Variants in ALK observed in about 807,000 individuals in gnomAD.
ALK encodes the protein ALK tyrosine kinase receptor.
In ALK, 74 loss-of-function variants were observed where a neutral mutation model predicts 163.1. That is an observed-to-expected ratio of 0.45 (90% CI 0.38 to 0.55). The LOEUF is 0.55. Among genes scored for constraint, ALK ranks in the 20% least tolerant of loss-of-function variants. ALK has a pLI of 0.00. For missense variants in ALK, 2,063 were observed against 2,105.3 expected (o/e 0.98, Z 0.39); for synonymous variants, 960 against 843.2 (o/e 1.14, Z -2.40).
At chr2:29,370,491 G>A (rs1012805683) in intron 5 of ALK, among the ~76,000 whole-genome samples, 2 of 152,196 alleles carry the variant, frequency 1.3e-5, no homozygotes, top group African/African-American at 4.8e-5. Context: ...GATAATCAGG[G>A]CCCTTGTCCA....
intron 4 of ALK, among the ~76,000 whole-genome samples, chr2:29,465,621 G>C (rs112209025): frequency 0.03 from 4,596 of 152,150 alleles, 94 homozygotes; most frequent in South Asian, 0.097. Context: ...TTGAACCTGG[G>C]AGGTGGAGGT....
At chr2:29,652,580 T>G (rs558615584) in intron 3 of ALK, among the ~76,000 whole-genome samples, 1 of 152,266 alleles carries the variant, frequency 6.6e-6, no homozygotes, top group South Asian at 2.1e-4. Flanking sequence ...AGGATGGGAT[T>G]TGGTCACTGG....
chr2:29,615,767 T>C (rs1180679584), intron 3 of ALK, among the ~76,000 whole-genome samples: 1 of 152,238 alleles, frequency 6.6e-6, no homozygotes, highest in Admixed American at 6.5e-5. Flanking sequence ...GTAGGTCTAA[T>C]GAAGGATTCT....
At chr2:29,847,256 G>A (rs1361988644) in intron 1 of ALK, among the ~76,000 whole-genome samples, 2 of 152,138 alleles carry the variant, frequency 1.3e-5, no homozygotes, top group Non-Finnish European at 2.9e-5. Context: ...GTTGGCAAAA[G>A]TACTATCAGG....
At chr2:29,322,827 T>C (rs1470257245) in intron 6 of ALK, among the ~76,000 whole-genome samples, 1 of 151,968 alleles carries the variant, frequency 6.6e-6, no homozygotes, top group African/African-American at 2.4e-5. Context: ...AGAGCAAAAC[T>C]CCATCTCAAA....
At chr2:29,863,114 T>C (rs1046007868) in intron 1 of ALK, among the ~76,000 whole-genome samples, 3 of 152,062 alleles carry the variant, frequency 2.0e-5, no homozygotes, top group Non-Finnish European at 4.4e-5. Flanking sequence ...AAAATCAACT[T>C]GAAATGGATT....
chr2:29,698,716 C>A (rs1441953871), intron 2 of ALK, among the ~76,000 whole-genome samples: 2 of 152,210 alleles, frequency 1.3e-5, no homozygotes, highest in Non-Finnish European at 2.9e-5. Flanking sequence ...TGATAATTGG[C>A]TGTGTTTGGG....
chr2:29,826,508 A>T (rs1178800423), intron 1 of ALK, among the ~76,000 whole-genome samples: 1 of 151,676 alleles, frequency 6.6e-6, no homozygotes, highest in East Asian at 1.9e-4. Context: ...CTGTCTCTTT[A>T]TGTGTCAGGG....
chr2:29,379,592 A>G (rs1558298619), intron 5 of ALK, among the ~76,000 whole-genome samples: 1 of 152,272 alleles, frequency 6.6e-6, no homozygotes, highest in South Asian at 2.1e-4. Flanking sequence ...TGCAAATGAC[A>G]TTTCCTGGCC....
At chr2:29,438,585 G>A (rs936005761) in intron 4 of ALK, among the ~76,000 whole-genome samples, 7 of 152,160 alleles carry the variant, frequency 4.6e-5, no homozygotes, top group African/African-American at 1.7e-4. Context: ...TCAAAGAAAT[G>A]TTCAAATAGA....
rs79505498 is a variant in ALK, at chr2:29,783,906, G to A, written c.668-66209C>T. On this transcript the variant is annotated intron_variant, in intron 1 of 28. Coordinates refer to ENST00000389048, the MANE Select transcript of ALK (RefSeq NM_004304.5). ...TCCAGGATTCCACCAAGTGGCAGTC[G>A]TGTGTAAGATGTTAATTTCCCTGGG... Among the ~76,000 whole-genome samples, 900 of 152,250 alleles carry A rather than the reference G, an allele frequency of 5.9e-3. 13 individuals are homozygous for A. Among genetic ancestry groups the A allele is most frequent in the African/African-American group, 0.02 (821 of 41,536 alleles).
Position 29,471,989 on chromosome 2 carries a change from C to A in ALK, c.1154+59926G>T, listed in dbSNP as rs182409160. Among the ~76,000 whole-genome samples the A allele has an allele frequency of 2.6e-5, 4 of 152,262 alleles. No homozygotes were observed. The East Asian group carries it at 7.7e-4, about 29-fold the overall frequency. On this transcript the variant is annotated intron_variant, in intron 4 of 28. Transcript: ENST00000389048. ...AACTCCTGACCTCAGGTGATCCACC[C>A]ACCGTGGCCTCCCAAAGTGCTGGGA...
intron 4 of ALK, among the ~76,000 whole-genome samples, chr2:29,410,531 C>T (rs1024443299): frequency 1.3e-5 from 2 of 152,124 alleles, no homozygotes; most frequent in Admixed American, 6.5e-5. Context: ...GTCACGGGCA[C>T]GTCCTCAACC....
At chr2:29,830,890 T>C (rs1269923674) in intron 1 of ALK, among the ~76,000 whole-genome samples, 1 of 134,686 alleles carries the variant, frequency 7.4e-6, no homozygotes, top group African/African-American at 2.8e-5. Context: ...GGCAACAGAG[T>C]GAGACCCTAA....
At chr2:29,532,434 T>A (rs1673147266) in intron 3 of ALK, among the ~76,000 whole-genome samples, 1 of 152,192 alleles carries the variant, frequency 6.6e-6, no homozygotes, top group Admixed American at 6.5e-5. Flanking sequence ...AATAAAAACA[T>A]CTATTTCAAA....
chr2:29,662,051 A>G (rs1337254059), intron 3 of ALK, among the ~76,000 whole-genome samples: 1 of 152,062 alleles, frequency 6.6e-6, no homozygotes, highest in South Asian at 2.1e-4. Flanking sequence ...CTGGTACTAC[A>G]GGCGTACACT....
chr2:29,339,649 G>A (rs951082504), intron 5 of ALK, among the ~76,000 whole-genome samples: 2 of 152,192 alleles, frequency 1.3e-5, no homozygotes, highest in Non-Finnish European at 2.9e-5. Context: ...TGTTGTAACC[G>A]ACCAAGCAAG....
chr2:29,413,856 C>T (rs1463591388), intron 4 of ALK, among the ~76,000 whole-genome samples: 3 of 152,098 alleles, frequency 2.0e-5, no homozygotes, highest in East Asian at 1.9e-4. Flanking sequence ...TTAGTCGAGA[C>T]GGGGTTTCGC....
At chr2:29,778,298 C>T (rs1479068153) in intron 1 of ALK, among the ~76,000 whole-genome samples, 1 of 152,226 alleles carries the variant, frequency 6.6e-6, no homozygotes, top group African/African-American at 2.4e-5. Flanking sequence ...TTCAGCATCA[C>T]TCTGACCTCA....
Sources: allele counts gnomAD v4.1 joint callset (sites outside exome capture counted in the v4.1 genomes callset), GRCh38; gene constraint gnomAD v4.1.1; transcripts MANE v1.5; gene names NCBI Gene and HGNC (gene_info 2026-07-23, HGNC 2026-07-21).